SLX4IP: variants seen among roughly 807,000 people sequenced by gnomAD.
SLX4IP encodes protein SLX4IP.
SLX4IP carries 34 observed loss-of-function variants against 32.9 expected under a neutral mutation model. That is an observed-to-expected ratio of 1.03 (90% CI 0.79 to 1.38). The LOEUF (loss-of-function observed/expected upper bound fraction) is 1.38, where lower values mean the gene tolerates loss of function less well. Ranked by LOEUF, SLX4IP falls within the 40% of genes most tolerant of loss-of-function variation. The pLI is 0.00. For synonymous variants in SLX4IP, 172 were observed against 171.7 expected, an observed-to-expected ratio of 1.00 and a Z score of -0.01; for missense variants, 444 against 479.0, an observed-to-expected ratio of 0.93 and a Z score of 0.68.
chr20:10,588,636 C>T (rs2066672387), intron 4 of SLX4IP, among the ~76,000 whole-genome samples: 1 of 152,194 alleles, frequency 6.6e-6, no homozygotes, highest in South Asian at 2.1e-4. Context: ...GTGCATTATG[C>T]TACATGAAGT....
intron 2 of SLX4IP, among the ~76,000 whole-genome samples, chr20:10,522,641 C>A (rs1336920022): frequency 1.3e-5 from 2 of 152,176 alleles, no homozygotes; most frequent in Non-Finnish European, 2.9e-5. Context: ...ATTAAAATGC[C>A]CTTCCGTCAC....
intron 4 of SLX4IP, among the ~76,000 whole-genome samples, chr20:10,584,179 A>G (rs891003515): frequency 6.6e-6 from 1 of 152,222 alleles, no homozygotes; most frequent in Non-Finnish European, 1.5e-5. Flanking sequence ...ACAAAAAGAA[A>G]GAAAGAAAAG....
intron 2 of SLX4IP, among the ~76,000 whole-genome samples, chr20:10,551,147 G>A (rs936736564): frequency 6.6e-6 from 1 of 152,138 alleles, no homozygotes; most frequent in African/African-American, 2.4e-5. Context: ...TCCCACCTCC[G>A]AGGACTTGGA....
chr20:10,555,607 T>C (rs761217923), intron 2 of SLX4IP, among the ~76,000 whole-genome samples: 27 of 152,366 alleles, frequency 1.8e-4, no homozygotes, highest in Admixed American at 3.9e-4. Flanking sequence ...TCTAAAGTGC[T>C]GGACAGCGCT....
chr20:10,436,387 C>T (rs1457700439), intron 1 of SLX4IP, among the ~76,000 whole-genome samples: 3 of 151,806 alleles, frequency 2.0e-5, no homozygotes, highest in Non-Finnish European at 2.9e-5. Context: ...GATGGAGTCT[C>T]GCTCTGTTGC....
At chr20:10,530,165 G>A (rs1049153846) in intron 2 of SLX4IP, among the ~76,000 whole-genome samples, 1 of 152,190 alleles carries the variant, frequency 6.6e-6, no homozygotes, top group Non-Finnish European at 1.5e-5. Flanking sequence ...TGTGCTGCCT[G>A]CCCCAGAGTA....
At chr20:10,551,703 C>T (rs185299765) in intron 2 of SLX4IP, among the ~76,000 whole-genome samples, 2 of 152,248 alleles carry the variant, frequency 1.3e-5, no homozygotes, top group Admixed American at 6.5e-5. Flanking sequence ...TTCAGAATAG[C>T]TTCACAGAGT....
chr20:10,468,674 G>A (rs536548867), intron 2 of SLX4IP, among the ~76,000 whole-genome samples: 1 of 152,248 alleles, frequency 6.6e-6, no homozygotes, highest in South Asian at 2.1e-4. Context: ...TTCCAAGCTT[G>A]ACCAGTGAAT....
intron 2 of SLX4IP, among the ~76,000 whole-genome samples, chr20:10,526,806 G>T (rs2065943523): frequency 6.6e-6 from 1 of 152,118 alleles, no homozygotes; most frequent in Non-Finnish European, 1.5e-5. Flanking sequence ...CAAAAAATTA[G>T]CTGGGTTTTG....
intron 2 of SLX4IP, among the ~76,000 whole-genome samples, chr20:10,529,022 G>A (rs1026476711): frequency 1.3e-5 from 2 of 152,180 alleles, no homozygotes; most frequent in Non-Finnish European, 2.9e-5. Flanking sequence ...GTAGTGATAC[G>A]TCAGTGAATT....
chr20:10,550,879 C>T (rs572337983), intron 2 of SLX4IP, among the ~76,000 whole-genome samples: 11 of 152,236 alleles, frequency 7.2e-5, no homozygotes, highest in Non-Finnish European at 1.2e-4. Flanking sequence ...ACTCCGCTCC[C>T]TCTGGTACTT....
intron 4 of SLX4IP, among the ~76,000 whole-genome samples, chr20:10,572,540 A>G (rs1035947517): frequency 1.3e-5 from 2 of 152,178 alleles, no homozygotes; most frequent in Admixed American, 1.3e-4. Context: ...TTGTCTAAAT[A>G]GGGTTCAGGA....
At chr20:10,506,512 C>T (rs773338204) in intron 2 of SLX4IP, among the ~76,000 whole-genome samples, 36 of 152,196 alleles carry the variant, frequency 2.4e-4, no homozygotes, top group African/African-American at 4.8e-5. Context: ...GTTGTTTGCT[C>T]AAACTCTCTG....
chr20:10,599,346 A>G (rs1568763515), intron 5 of SLX4IP, among the ~76,000 whole-genome samples: 2 of 152,202 alleles, frequency 1.3e-5, no homozygotes, highest in Non-Finnish European at 1.5e-5. Context: ...AAAAATTAAC[A>G]TATAGAGGCT....
intron 2 of SLX4IP, among the ~76,000 whole-genome samples, chr20:10,547,828 C>G (rs2066177886): frequency 6.6e-6 from 1 of 152,196 alleles, no homozygotes; most frequent in African/African-American, 2.4e-5. Context: ...TCACGACCAT[C>G]TGTGTGCCAG....
chr20:10,451,845 G>A (rs554988508), intron 1 of SLX4IP, among the ~76,000 whole-genome samples: 7 of 152,182 alleles, frequency 4.6e-5, no homozygotes, highest in African/African-American at 1.7e-4. Flanking sequence ...ACGGGCGCCT[G>A]TAATCCCAGC....
intron 2 of SLX4IP, among the ~76,000 whole-genome samples, chr20:10,523,543 A>C (rs1239032864): frequency 6.6e-6 from 1 of 152,266 alleles, no homozygotes; most frequent in Admixed American, 6.5e-5. Flanking sequence ...TCACCTTTGT[A>C]AATGTTGCAT....
At chr20:10,443,683 T>C (rs2122319081) in intron 1 of SLX4IP, among the ~76,000 whole-genome samples, 1 of 152,250 alleles carries the variant, frequency 6.6e-6, no homozygotes, top group Middle Eastern at 3.4e-3. Context: ...GGGGCACTGA[T>C]ATTGTTCGGA....
chr20:10,521,242 C>A (rs1409833875), intron 2 of SLX4IP, among the ~76,000 whole-genome samples: 2 of 152,162 alleles, frequency 1.3e-5, no homozygotes, highest in African/African-American at 2.4e-5. Context: ...CATGGCAGAT[C>A]ATCTTTCTCT....
Sources: gnomAD v4.1 joint callset for allele counts (sites outside exome capture counted in the v4.1 genomes callset) on GRCh38, gnomAD v4.1.1 for gene constraint, MANE v1.5 for transcripts, NCBI Gene and HGNC (gene_info 2026-07-23, HGNC 2026-07-21) for gene names.